The following MGAT4C variants were observed in gnomAD, a reference collection of about 807,000 sequenced individuals.
MGAT4C encodes MGAT4 family member C.
MGAT4C carries 19 observed loss-of-function variants against 40.1 expected under a neutral mutation model. That is an observed-to-expected ratio of 0.47 (90% confidence interval 0.33 to 0.70). The LOEUF (loss-of-function observed/expected upper bound fraction) is 0.70, where lower values mean the gene tolerates loss of function less well. Among genes scored for constraint, MGAT4C ranks in the 30% least tolerant of loss-of-function variants. The pLI is 0.02. For missense variants in MGAT4C, 491 were observed against 563.2 expected (o/e 0.87, Z 1.30); for synonymous variants, 181 against 187.1 (o/e 0.97, Z 0.27).
At chr12:86,405,931 C>T (rs71438916) in intron 3 of MGAT4C, among the ~76,000 whole-genome samples, 476 of 3,662 alleles carry the variant, frequency 0.13, 10 homozygotes, top group South Asian at 0.32. Context: ...TTATATTATA[C>T]ATACATTTAT....
intron 2 of MGAT4C, among the ~76,000 whole-genome samples, chr12:86,648,892 T>A (rs779454189): frequency 1.3e-5 from 2 of 151,892 alleles, no homozygotes; most frequent in Non-Finnish European, 2.9e-5. Context: ...TTTCTTGTGT[T>A]TTAAAATTGT....
At chr12:86,126,377 A>G (rs777273198) in intron 1 of MGAT4C, among the ~76,000 whole-genome samples, 4 of 152,166 alleles carry the variant, frequency 2.6e-5, no homozygotes, top group Admixed American at 1.3e-4. Flanking sequence ...TGCATAACTT[A>G]TTAGTCCTTA....
At chr12:86,628,391 G>T (rs1962894421) in intron 2 of MGAT4C, among the ~76,000 whole-genome samples, 1 of 152,078 alleles carries the variant, frequency 6.6e-6, no homozygotes, top group Admixed American at 6.6e-5. Context: ...AGGAAATACA[G>T]AGAACACCAC....
chr12:86,129,185 G>T (rs1880791114), intron 1 of MGAT4C, among the ~76,000 whole-genome samples: 1 of 151,524 alleles, frequency 6.6e-6, no homozygotes, highest in African/African-American at 2.4e-5. Flanking sequence ...AAAGGACTGA[G>T]CCCCGAACAA....
intron 3 of MGAT4C, among the ~76,000 whole-genome samples, chr12:86,388,643 A>G (rs908436428): frequency 5.8e-4 from 88 of 151,188 alleles, no homozygotes; most frequent in African/African-American, 2.1e-3. Context: ...CCTATCAATG[A>G]CACTTGATCA....
intron 4 of MGAT4C, among the ~76,000 whole-genome samples, chr12:86,304,491 C>T (rs915459546): frequency 1.3e-5 from 2 of 150,554 alleles, no homozygotes; most frequent in Admixed American, 6.6e-5. Context: ...TATGCATCAT[C>T]AAATATCCTA....
chr12:85,983,297 G>A (rs1187763521), intron 4 of MGAT4C, among the ~76,000 whole-genome samples: 1 of 152,066 alleles, frequency 6.6e-6, no homozygotes, highest in Non-Finnish European at 1.5e-5. Context: ...AAAATCTCAA[G>A]AGACTCACAT....
At chr12:86,070,656 T>C (rs80077229) in intron 1 of MGAT4C, among the ~76,000 whole-genome samples, 3,090 of 152,144 alleles carry the variant, frequency 0.02, 114 homozygotes, top group African/African-American at 0.07. Flanking sequence ...CAAAGTTCTA[T>C]CTATCTCTAA....
rs574189489 is a variant in MGAT4C at position 86,408,208 on chromosome 12, C to A, written c.-120+26949G>T. Among the ~76,000 whole-genome samples, 7 of 151,938 alleles carry A rather than the reference C, an allele frequency of 4.6e-5. No individual in the cohort carries two copies. The South Asian group carries it at 1.5e-3, about 32-fold the overall frequency. On this transcript the variant is annotated intron_variant, in intron 3 of 7. Coordinates refer to the MGAT4C transcript ENST00000548651. ...ACATGGGTGACATCGAAATAAAATT[C>A]TATTTTGTAGTATGCTTCATTTTGT...
chr12:86,561,361 TAG>T (rs1959855368), intron 2 of MGAT4C, among the ~76,000 whole-genome samples: 1 of 152,142 alleles, frequency 6.6e-6, no homozygotes, highest in African/African-American at 2.4e-5. Flanking sequence ...GAGATTAAAA[TAG>T]AGTCAGTGAA....
chr12:86,531,262 C>G (rs1958977296), intron 2 of MGAT4C, among the ~76,000 whole-genome samples: 1 of 152,070 alleles, frequency 6.6e-6, no homozygotes, highest in Admixed American at 6.6e-5. Context: ...ATTTCCTCTA[C>G]TTTTGAAAAT....
At chr12:86,089,627 G>A (rs1872526799) in intron 1 of MGAT4C, among the ~76,000 whole-genome samples, 1 of 151,552 alleles carries the variant, frequency 6.6e-6, no homozygotes, top group Non-Finnish European at 1.5e-5. Context: ...TTGATGGGTT[G>A]CCCTATTATT....
At chr12:86,347,292 G>A (rs1443138947) in intron 3 of MGAT4C, among the ~76,000 whole-genome samples, 1 of 151,942 alleles carries the variant, frequency 6.6e-6, no homozygotes, top group Admixed American at 6.6e-5. Context: ...AAAATATGTA[G>A]TATTTCATCA....
chr12:86,531,604 CT>C lies in MGAT4C; in HGVS notation c.-228-96340del, dbSNP rs560667272. ...AGTTTACAATATTATATTGAAGCCA[CT>C]TTTTTTCAGACTTTACATCCATTCA... is the stretch of plus-strand genomic sequence containing the variant. On this transcript the variant is annotated intron_variant, in intron 2 of 7. Coordinates refer to the MGAT4C transcript ENST00000548651. Among the ~76,000 whole-genome samples, 26 of 152,100 alleles carry C rather than the reference CT, an allele frequency of 1.7e-4. No homozygotes were observed. The East Asian group carries it at 4.6e-3, about 27-fold the overall frequency.
intron 2 of MGAT4C, among the ~76,000 whole-genome samples, chr12:86,438,418 G>A (rs563423649): frequency 6.6e-6 from 1 of 152,050 alleles, no homozygotes; most frequent in Non-Finnish European, 1.5e-5. Flanking sequence ...AAGTGAAACA[G>A]CAAGGGTTGA....
intron 2 of MGAT4C, among the ~76,000 whole-genome samples, chr12:86,017,115 A>G (rs1051372218): frequency 1.3e-5 from 2 of 152,160 alleles, no homozygotes; most frequent in East Asian, 3.9e-4. Flanking sequence ...TGATCTTCTT[A>G]AATTTGAAAA....
In MGAT4C at chr12:85,979,239, G is replaced by C. The variant is rs772130957; in HGVS notation, c.*50C>G. ...CCTCCAAAAGACAAAGGTAGCAAAA[G>C]ACGAAGCAGGAAGAACTGCTTCAGA... On this transcript the variant is annotated 3_prime_UTR_variant, in exon 5 of 5. Coordinates refer to ENST00000611864, the MANE Select transcript of MGAT4C (RefSeq NM_001351288.2). The C allele has an allele frequency of 7.0e-6, 10 of 1,428,774 alleles. No individual in the cohort carries two copies. In the East Asian group the frequency reaches 2.3e-4, roughly 33 times the overall value. The allele number at this position is 1,428,774 out of a possible 1,614,324, so 88.5% of individuals were successfully genotyped here. A position where few individuals can be genotyped will look rare whatever the true frequency, so the allele number is the denominator to read the frequency against.
At position 85,969,754 on chromosome 12, in the gene MGAT4C, T is replaced by C. The variant is rs931117375; in HGVS notation, c.*9535A>G. ...GTGATAAGGGGCATAGATTTTGAAT[T>C]ACACAAACCTGAAATCCAATGCTCT... On this transcript the variant is annotated 3_prime_UTR_variant, in exon 5 of 5. Coordinates refer to ENST00000611864, the MANE Select transcript of MGAT4C (RefSeq NM_001351288.2). 1.3e-5 allele frequency: 2 copies of C among 151,500 alleles called. No individual in the cohort carries two copies. The highest frequency in any genetic ancestry group is 4.8e-5 in the African/African-American group (2 of 41,380). 9.4% of individuals were successfully genotyped at this position (151,500 alleles called of 1,614,324 possible).
chr12:86,731,850 C>T (rs1950915072), intron 1 of MGAT4C, among the ~76,000 whole-genome samples: 1 of 152,072 alleles, frequency 6.6e-6, no homozygotes. Context: ...ATTCAGGCTG[C>T]AATCCAACAT....
Sources: allele counts gnomAD v4.1 joint callset (sites outside exome capture counted in the v4.1 genomes callset), GRCh38; gene constraint gnomAD v4.1.1; transcripts MANE v1.5; gene names NCBI Gene and HGNC (gene_info 2026-07-23, HGNC 2026-07-21).